The following CHD9 variants were observed in gnomAD, a reference collection of about 807,000 sequenced individuals.
CHD9 encodes the protein chromodomain helicase DNA binding protein 9.
CHD9 carries 77 observed loss-of-function variants against 316.1 expected under a neutral mutation model. The observed-to-expected ratio is 0.24, with a 90% CI of 0.20 to 0.29. The LOEUF is 0.29. Among genes scored for constraint, CHD9 ranks in the 10% least tolerant of loss-of-function variants. The probability of loss-of-function intolerance (pLI) is 1.00; values close to 1 mark genes in which losing one functional copy is unlikely to be tolerated. For missense variants in CHD9, 2,763 were observed against 3,438.1 expected, an observed-to-expected ratio of 0.80 and a Z score of 4.91; for synonymous variants, 1,129 against 1,158.3, an observed-to-expected ratio of 0.97 and a Z score of 0.51.
intron 1 of CHD9, among the ~76,000 whole-genome samples, chr16:53,107,465 A>G (rs559383117): frequency 5.8e-4 from 82 of 141,300 alleles, no homozygotes; most frequent in African/African-American, 1.9e-3. Flanking sequence ...ATCTCAAAAT[A>G]AAATAAAATA....
At chr16:53,058,573 C>A (rs1441117184) in intron 1 of CHD9, among the ~76,000 whole-genome samples, 2 of 152,170 alleles carry the variant, frequency 1.3e-5, no homozygotes, top group African/African-American at 4.8e-5. Flanking sequence ...TCAAGGAGAG[C>A]CAGTGGGCAG....
At chr16:53,298,211 T>A (rs1205591341) in intron 30 of CHD9, 2 of 152,238 alleles carry the variant, frequency 1.3e-5, no homozygotes, top group East Asian at 3.9e-4. Context: ...CCCCACTCCT[T>A]CCAGTGGCAC....
At chr16:53,161,485 G>A (rs2041910274) in intron 2 of CHD9, among the ~76,000 whole-genome samples, 1 of 152,006 alleles carries the variant, frequency 6.6e-6, no homozygotes, top group Non-Finnish European at 1.5e-5. Context: ...TCTTTGTTGG[G>A]CTTCTTTAAC....
Position 53,226,404 on chromosome 16 carries a change from C to T in CHD9, c.1935C>T (p.Tyr645=), listed in dbSNP as rs375075278. The T allele has an allele frequency of 6.3e-5, 99 of 1,582,068 alleles. No homozygotes were observed. The highest frequency in any genetic ancestry group is 2.5e-4 in the African/African-American group (18 of 72,858). The change falls in exon 5 of 39, where the codon TAC becomes TAT. Residue 645 remains tyrosine, a synonymous_variant. Coordinates refer to ENST00000447540, the MANE Select transcript of CHD9 (RefSeq NM_001308319.2). ...RSNRQIKRKK[Y]AEDIEGKQSE... is the part of the protein sequence containing the mutation. ...ATCGACAAATTAAAAGAAAAAAATA[C>T]GCAGAAGATATAGAAGGGAAGCAAT...
At chr16:53,164,647 G>A (rs1029749226) in intron 2 of CHD9, among the ~76,000 whole-genome samples, 10 of 151,470 alleles carry the variant, frequency 6.6e-5, no homozygotes, top group Admixed American at 2.6e-4. Context: ...TTTTTTGGAG[G>A]GGGGGGTTTG....
Position 53,304,162 on chromosome 16 carries a change from T to C in CHD9, c.6156T>C (p.Leu2052=), listed in dbSNP as rs767397507. 4.3e-6 allele frequency: 7 copies of C among 1,612,814 alleles called. 1 individual carries two copies. The South Asian group carries it at 7.7e-5, about 18-fold the overall frequency. Residue 2052 remains leucine (L), a synonymous_variant, in exon 31 of 39, where the codon CTT becomes CTC. Transcript: ENST00000447540. ...LEEMKVKSEN[L]KEEPQSSEEE... ...AGATGAAAGTTAAAAGTGAAAACCT[T>C]AAAGAGGAGCCTCAGTCTTCTGAAG...
chr16:53,162,821 C>T (rs1374274789), intron 2 of CHD9, among the ~76,000 whole-genome samples: 1 of 143,122 alleles, frequency 7.0e-6, no homozygotes, highest in African/African-American at 2.6e-5. Flanking sequence ...GGGTCTTTGT[C>T]ACTCAGACTG....
In CHD9 at chr16:53,157,060, A is replaced by G. The variant is rs996239832; in HGVS notation, c.971A>G (p.His324Arg). 6 of 1,613,222 alleles carry G rather than the reference A, an allele frequency of 3.7e-6. No homozygotes were observed. In the South Asian group the frequency reaches 6.6e-5, roughly 18 times the overall value. ...GGAATCAAGCAAGAATCTACTCAGCATATCCTAAACCCCAATACATCATTG... is the reference window on the plus strand; with the variant it reads ...GGAATCAAGCAAGAATCTACTCAGCGTATCCTAAACCCCAATACATCATTG... ...HRGIKQESTQ[H>R]ILNPNTSLNS... Residue 324 changes from histidine to arginine, a missense_variant, in exon 2 of 39, where the codon CAT (histidine) becomes CGT (arginine). By Grantham distance (29) the His-to-Arg change is conservative. Transcript: ENST00000447540.
At chr16:53,124,512 C>G (rs1170953544) in intron 1 of CHD9, among the ~76,000 whole-genome samples, 1 of 127,520 alleles carries the variant, frequency 7.8e-6, no homozygotes, top group African/African-American at 2.9e-5. Flanking sequence ...GTGTCTCGCT[C>G]TGTCATCCAG....
chr16:53,113,072 C>T (rs534084499), intron 1 of CHD9, among the ~76,000 whole-genome samples: 2 of 151,848 alleles, frequency 1.3e-5, no homozygotes, highest in East Asian at 1.9e-4. Context: ...GTCTCAGCTA[C>T]GTTTGGGAGG....
intron 3 of CHD9, among the ~76,000 whole-genome samples, chr16:53,217,106 G>A (rs924588543): frequency 3.3e-5 from 5 of 151,984 alleles, no homozygotes; most frequent in Non-Finnish European, 7.4e-5. Flanking sequence ...TCATTTTGTT[G>A]TCATATCTCC....
At chr16:53,318,015 C>G (rs958035063) in intron 36 of CHD9, among the ~76,000 whole-genome samples, 197 bp from the exon 37 acceptor site, 5 of 151,962 alleles carry the variant, frequency 3.3e-5, no homozygotes, top group African/African-American at 1.2e-4. Context: ...TGTGACCACA[C>G]CACTATTCTC....
intron 17 of CHD9, among the ~76,000 whole-genome samples, chr16:53,251,863 T>TC (rs1373013031): frequency 1.3e-5 from 2 of 151,868 alleles, no homozygotes; most frequent in African/African-American, 4.8e-5. Context: ...TGGTTTTTTT[T>TC]CCCCCAAAAA....
At chr16:53,141,846 A>T (rs2040134975) in intron 1 of CHD9, among the ~76,000 whole-genome samples, 1 of 152,184 alleles carries the variant, frequency 6.6e-6, no homozygotes, top group African/African-American at 2.4e-5. Context: ...TCGTGAAGAC[A>T]TTACTTTATT....
intron 3 of CHD9, among the ~76,000 whole-genome samples, chr16:53,213,640 A>G (rs1470931841): frequency 6.6e-6 from 1 of 152,218 alleles, no homozygotes; most frequent in Non-Finnish European, 1.5e-5. Context: ...TTTAGAATCT[A>G]GGACTTCCAG....
chr16:53,290,216 G>A (rs912710095), intron 27 of CHD9, among the ~76,000 whole-genome samples: 1 of 152,212 alleles, frequency 6.6e-6, no homozygotes, highest in Non-Finnish European at 1.5e-5. Flanking sequence ...GGAGGTTGCA[G>A]TGAGCTGAGA....
chr16:53,099,727 C>G (rs1567327348), intron 1 of CHD9, among the ~76,000 whole-genome samples: 1 of 152,202 alleles, frequency 6.6e-6, no homozygotes, highest in Non-Finnish European at 1.5e-5. Context: ...TGATCCTCCC[C>G]TGGGCCCTTC....
chr16:53,243,035 T>C lies in CHD9; in HGVS notation c.3054+19T>C, dbSNP rs1468628391. On this transcript the variant is annotated intron_variant, in intron 13 of 38. Coordinates refer to ENST00000447540, the MANE Select transcript of CHD9 (RefSeq NM_001308319.2). ...GAATCTGGTAAGTAACTTAATATTA[T>C]CATTATGACAATTGAGTTTATTAGA... 3.3e-6 allele frequency: 5 copies of C among 1,525,492 alleles called. No individual in the cohort carries two copies. Among genetic ancestry groups the C allele is most frequent in the Middle Eastern group, 3.4e-4 (2 of 5,798 alleles). 94.5% of individuals were successfully genotyped at this position (1,525,492 alleles called of 1,614,324 possible).
At chr16:53,061,703 G>C (rs1483346210) in intron 1 of CHD9, among the ~76,000 whole-genome samples, 1 of 152,158 alleles carries the variant, frequency 6.6e-6, no homozygotes, top group Admixed American at 6.5e-5. Flanking sequence ...CCTCATTATT[G>C]AGGGTTGTCT....
Sources: gnomAD v4.1 joint callset for allele counts (sites outside exome capture counted in the v4.1 genomes callset) on GRCh38, gnomAD v4.1.1 for gene constraint, MANE v1.5 for transcripts, NCBI Gene and HGNC (gene_info 2026-07-23, HGNC 2026-07-21) for gene names.